AIMP2: variants seen among roughly 807,000 people sequenced by gnomAD.
AIMP2 encodes aminoacyl tRNA synthetase complex interacting multifunctional protein 2, also known as aminoacyl tRNA synthase complex-interacting multifunctional protein 2.
Under a neutral mutation model 23.4 loss-of-function variants are expected in AIMP2, and 20 were observed. The ratio of observed to expected loss-of-function variants is 0.85; its 90% CI spans 0.60 to 1.24. The LOEUF (loss-of-function observed/expected upper bound fraction) is 1.24, where lower values mean the gene tolerates loss of function less well. AIMP2 is among the 50% of genes most tolerant of loss of function. AIMP2 has a pLI of 0.00. For synonymous variants in AIMP2, 210 were observed against 170.4 expected (o/e 1.23, Z -1.81); for missense variants, 515 against 414.5 (o/e 1.24, Z -2.10).
Position 6,009,426 on chromosome 7 carries a change from C to G in AIMP2, c.63C>G (p.Pro21=). The stretch of plus-strand genomic sequence containing the variant: ...GCGCGCCTCTCCGTGTGGAGCTTCC[C>G]ACCTGCATGTACCGGCTCCCCAACG... ...GGGAPLRVEL[P]TCMYRLPNVH... is the part of the protein sequence containing the mutation. Residue 21 remains proline, a synonymous_variant, in exon 1 of 4, where the codon CCC becomes CCG. Transcript: ENST00000223029. 6.2e-7 allele frequency: 1 copy of G among 1,611,424 alleles called. No individual in the cohort carries two copies. The highest frequency in any genetic ancestry group is 8.5e-7 in the Non-Finnish European group (1 of 1,179,952).
chr7:6,014,250 C>CTTTTT (rs57008315), intron 1 of AIMP2, among the ~76,000 whole-genome samples: 192 of 67,552 alleles, frequency 2.8e-3, no homozygotes, highest in Non-Finnish European at 2.9e-3. Context: ...TTTGTTGAAG[C>CTTTTT]TTTTTTTTTT....
At chr7:6,021,878 C>CA (rs1787446088) in intron 3 of AIMP2, among the ~76,000 whole-genome samples, 1 of 152,048 alleles carries the variant, frequency 6.6e-6, no homozygotes, top group Admixed American at 6.6e-5. Flanking sequence ...AATCAAAAGG[C>CA]AAAAAGTCAG....
intron 2 of AIMP2, among the ~76,000 whole-genome samples, chr7:6,017,461 T>C (rs1305796268): frequency 3.3e-5 from 5 of 151,160 alleles, no homozygotes; most frequent in African/African-American, 1.2e-4. Context: ...GAGGCAGAGG[T>C]TGCAGTGAGC....
intron 1 of AIMP2, among the ~76,000 whole-genome samples, chr7:6,014,297 G>C (rs530405433): frequency 1.8e-4 from 21 of 117,012 alleles, no homozygotes; most frequent in African/African-American, 6.9e-4. Context: ...TTGCTCTGTC[G>C]CCCAGGCTGG....
At chr7:6,022,844 G>GT in intron 3 of AIMP2, 1 of 161,330 alleles carries the variant, frequency 6.2e-6, no homozygotes, top group Admixed American at 5.9e-5. Context: ...AGGATGTTAT[G>GT]TATTGACTAT....
intron 3 of AIMP2, among the ~76,000 whole-genome samples, chr7:6,021,818 C>T (rs1249942706): frequency 6.6e-6 from 1 of 152,120 alleles, no homozygotes; most frequent in Non-Finnish European, 1.5e-5. Flanking sequence ...AGCACTGAAA[C>T]TAAAGCAAGC....
intron 1 of AIMP2, among the ~76,000 whole-genome samples, chr7:6,014,400 G>A (rs1425700047): frequency 6.6e-6 from 1 of 151,744 alleles, no homozygotes; most frequent in Non-Finnish European, 1.5e-5. Flanking sequence ...TGGGACTACA[G>A]GCATGCACTA....
chr7:6,020,036 AAG>A (rs1491338412), intron 3 of AIMP2, among the ~76,000 whole-genome samples: 2 of 151,642 alleles, frequency 1.3e-5, no homozygotes, highest in Non-Finnish European at 2.9e-5. Flanking sequence ...AAAAAAAAAA[AAG>A]GGAAATTCAT....
chr7:6,019,448 G>A (rs928228357), intron 3 of AIMP2, among the ~76,000 whole-genome samples: 10 of 144,016 alleles, frequency 6.9e-5, no homozygotes, highest in Middle Eastern at 3.9e-3. Context: ...TCACGCCAGC[G>A]CACTCCAGCC....
chr7:6,018,705 G>C (rs1787188579), intron 3 of AIMP2, among the ~76,000 whole-genome samples: 2 of 151,584 alleles, frequency 1.3e-5, no homozygotes, highest in Admixed American at 6.6e-5. Flanking sequence ...GTGGTAGCAG[G>C]CGCCTGTAAT....
intron 3 of AIMP2, chr7:6,023,056 G>T: frequency 2.0e-5 from 9 of 457,670 alleles, no homozygotes; most frequent in South Asian, 7.1e-5. Flanking sequence ...GTCCCTTCTA[G>T]CTTCAGAAGT....
chr7:6,015,874 C>A (rs1786998278), intron 2 of AIMP2, among the ~76,000 whole-genome samples: 1 of 152,232 alleles, frequency 6.6e-6, no homozygotes, highest in Non-Finnish European at 1.5e-5. Flanking sequence ...CTCCTCTTGA[C>A]TTCTCAGAGC....
intron 2 of AIMP2, 142 bp downstream of exon 2, chr7:6,015,494 G>A: frequency 1.2e-6 from 1 of 852,226 alleles, no homozygotes; most frequent in African/African-American, 1.7e-5. Flanking sequence ...GGAAGCCAAG[G>A]CGGGCAGATC....
intron 2 of AIMP2, among the ~76,000 whole-genome samples, chr7:6,015,992 T>TCTCAGCTTGCTTGCTCAGTGTTC (rs1453882915): frequency 2.0e-5 from 3 of 152,154 alleles, no homozygotes; most frequent in Non-Finnish European, 4.4e-5. Context: ...GAAGAACAGA[T>TCTCAGCTTGCTTGCTCAGTGTTC]CTCAGCTTGC....
At chr7:6,016,699 C>T (rs899198200) in intron 2 of AIMP2, among the ~76,000 whole-genome samples, 4 of 152,160 alleles carry the variant, frequency 2.6e-5, no homozygotes, top group African/African-American at 9.7e-5. Context: ...TCAAGTAATA[C>T]AATATGTTCA....
intron 3 of AIMP2, among the ~76,000 whole-genome samples, chr7:6,020,685 G>A (rs1325773970): frequency 1.3e-5 from 2 of 152,202 alleles, no homozygotes; most frequent in Non-Finnish European, 2.9e-5. Flanking sequence ...CAAGTTCCCA[G>A]ATGCCATAAA....
chr7:6,013,649 G>A (rs920198824), intron 1 of AIMP2, among the ~76,000 whole-genome samples: 36 of 152,112 alleles, frequency 2.4e-4, no homozygotes, highest in African/African-American at 8.4e-4. Context: ...GAATAGGCTA[G>A]GTGAAGAATG....
intron 1 of AIMP2, 36 bp downstream of exon 1, chr7:6,009,534 G>C (rs2128869976): frequency 7.2e-7 from 1 of 1,395,428 alleles, no homozygotes; most frequent in African/African-American, 1.5e-5. Context: ...GTGCGCACGC[G>C]CGGCGACCGG....
chr7:6,017,686 C>CGCTAGT, intron 2 of AIMP2, 128 bp from the exon 3 acceptor site: 1 of 758,324 alleles, frequency 1.3e-6, no homozygotes, highest in Non-Finnish European at 2.1e-6. Flanking sequence ...GTGGAGATGA[C>CGCTAGT]GCTAGTGCCG....
Sources: gnomAD v4.1 joint callset for allele counts (sites outside exome capture counted in the v4.1 genomes callset) on GRCh38, gnomAD v4.1.1 for gene constraint, MANE v1.5 for transcripts, NCBI Gene and HGNC (gene_info 2026-07-23, HGNC 2026-07-21) for gene names.